Variants in TENT5D observed in about 807,000 individuals in gnomAD.
The protein encoded by TENT5D is terminal nucleotidyltransferase 5D.
For missense variants in TENT5D, 191 were observed against 287.0 expected, an observed-to-expected ratio of 0.67 and a Z score of 2.42; for synonymous variants, 103 against 100.6, an observed-to-expected ratio of 1.02 and a Z score of -0.15.
intron 3 of TENT5D, among the ~76,000 whole-genome samples, chrX:80,378,297 A>C (rs775525845): frequency 5.4e-5 from 6 of 111,663 alleles, no homozygotes; most frequent in Non-Finnish European, 1.1e-4. Context: ...TGTTTTAGAC[A>C]TGAAGTCCTT....
At chrX:80,358,792 A>G (rs1602503116) in intron 3 of TENT5D, among the ~76,000 whole-genome samples, 1 of 112,010 alleles carries the variant, frequency 8.9e-6, no homozygotes, top group Non-Finnish European at 1.9e-5. Flanking sequence ...TAGAAATCAA[A>G]CTGACGTACA....
At chrX:80,405,753 C>G (rs1931475651) in intron 3 of TENT5D, among the ~76,000 whole-genome samples, 1 of 112,737 alleles carries the variant, frequency 8.9e-6, no homozygotes, top group African/African-American at 3.2e-5. Flanking sequence ...GAGCCCACCA[C>G]AGCTCAAGGA....
chrX:80,348,222 A>T (rs1196793355), intron 3 of TENT5D, among the ~76,000 whole-genome samples: 1 of 111,990 alleles, frequency 8.9e-6, no homozygotes, highest in Non-Finnish European at 1.9e-5. Context: ...TCGTAGCTTG[A>T]TGGGGATACC....
chrX:80,350,224 TC>T (rs1930149314), intron 3 of TENT5D, among the ~76,000 whole-genome samples: 1 of 111,432 alleles, frequency 9.0e-6, no homozygotes, highest in African/African-American at 3.3e-5. Flanking sequence ...GTCTTGTTGA[TC>T]TGCCTAATAT....
At chrX:80,426,127 C>T (rs1931983976) in intron 1 of TENT5D, among the ~76,000 whole-genome samples, 1 of 110,934 alleles carries the variant, frequency 9.0e-6, no homozygotes, top group Non-Finnish European at 1.9e-5. Flanking sequence ...TTTAATAATT[C>T]TGTTTACCTG....
intron 3 of TENT5D, among the ~76,000 whole-genome samples, chrX:80,407,842 T>G (rs1278951375): frequency 3.8e-5 from 4 of 106,610 alleles, no homozygotes; most frequent in Non-Finnish European, 5.8e-5. Flanking sequence ...ATTGACCACA[T>G]AGTTGGAAGT....
intron 3 of TENT5D, among the ~76,000 whole-genome samples, chrX:80,345,128 T>C (rs1311679857): frequency 8.9e-6 from 1 of 111,888 alleles, no homozygotes; most frequent in Non-Finnish European, 1.9e-5. Context: ...CAAAGAATGG[T>C]CAGAAAAGTT....
intron 3 of TENT5D, among the ~76,000 whole-genome samples, chrX:80,357,609 G>GTT (rs1324605868): frequency 6.5e-4 from 72 of 111,370 alleles, no homozygotes; most frequent in African/African-American, 2.3e-3. Context: ...TGATGGGGTT[G>GTT]TGTTTTTTTC....
At chrX:80,336,509 CTT>C (rs1036572410) in intron 2 of TENT5D, among the ~76,000 whole-genome samples, 2 of 109,714 alleles carry the variant, frequency 1.8e-5, no homozygotes, top group Admixed American at 2.0e-4. Flanking sequence ...ACAGATAAAA[CTT>C]AGTAGATTTC....
At chrX:80,406,168 C>G (rs1229625662) in intron 3 of TENT5D, among the ~76,000 whole-genome samples, 1 of 111,817 alleles carries the variant, frequency 8.9e-6, no homozygotes, top group Admixed American at 9.5e-5. Context: ...AACAGAAAAA[C>G]TGGAAACTCT....
At chrX:80,440,006 A>G (rs986742380) in intron 2 of TENT5D, among the ~76,000 whole-genome samples, 1 of 111,252 alleles carries the variant, frequency 9.0e-6, no homozygotes, top group Non-Finnish European at 1.9e-5. Context: ...GGTTAAAAAA[A>G]ACCTAACTGG....
chrX:80,368,746 G>A (rs67793634), intron 3 of TENT5D, among the ~76,000 whole-genome samples: 10,720 of 111,162 alleles, frequency 0.096, 520 homozygotes, highest in African/African-American at 0.18. Context: ...ATTACTTAGA[G>A]CTGTTACTGA....
At chrX:80,438,697 C>T (rs1044092321) in exon 2 of TENT5D, 10 of 110,111 alleles carry the variant, frequency 9.1e-5, no homozygotes, top group African/African-American at 3.3e-4. Flanking sequence ...CATTTTAACT[C>T]AACTATATTG....
At chrX:80,363,850 T>A (rs1353264746) in intron 3 of TENT5D, among the ~76,000 whole-genome samples, 28 of 112,448 alleles carry the variant, frequency 2.5e-4, no homozygotes, top group African/African-American at 7.4e-4. Context: ...AGATATGCGG[T>A]GTGATGTTTT....
intron 3 of TENT5D, among the ~76,000 whole-genome samples, chrX:80,386,498 A>G (rs887681501): frequency 6.3e-5 from 7 of 111,384 alleles, no homozygotes; most frequent in African/African-American, 2.3e-4. Context: ...TGGCACATGT[A>G]TACATATGTA....
chrX:80,430,853 T>A (rs1476942870), intron 1 of TENT5D, among the ~76,000 whole-genome samples: 2 of 111,195 alleles, frequency 1.8e-5, no homozygotes, highest in Non-Finnish European at 3.8e-5. Flanking sequence ...TCCTTTCTCT[T>A]TTCTGAGTGA....
chrX:80,367,845 A>C (rs917474577), intron 3 of TENT5D, among the ~76,000 whole-genome samples: 1 of 111,789 alleles, frequency 8.9e-6, no homozygotes, highest in African/African-American at 3.2e-5. Context: ...GAGACAAGGA[A>C]GGGTAGTGGG....
At position 80,425,943 on chromosome X, in the gene TENT5D, C is replaced by T. The variant is rs1248444386; in HGVS notation, c.-142+5380C>T. The stretch of plus-strand genomic sequence containing the variant: ...TCGGGAGGCTGAGGCAGGAGAATCA[C>T]TTGAATCCGGGAGGCAGAGGTTGCA... On this transcript the variant is annotated intron_variant, in intron 1 of 2. Transcript: ENST00000308293. 4.5e-5 allele frequency among the ~76,000 whole-genome samples: 5 copies of T among 110,760 alleles called. No homozygotes were observed. The Admixed American group carries it at 4.9e-4, about 11-fold the overall frequency.
In TENT5D at chrX:80,363,286, G is replaced by A. The variant is rs747565633; in HGVS notation, c.-142+20722G>A. ...CAATTACTGCATTTCCTAATTTATA[G>A]CATTAACTTGGAACACATTGAATAT... On this transcript the variant is annotated intron_variant, in intron 3 of 4. Transcript: ENST00000538312. 2.7e-5 allele frequency among the ~76,000 whole-genome samples: 3 copies of A among 111,321 alleles called. No individual in the cohort carries two copies. The East Asian group carries it at 8.5e-4, about 31-fold the overall frequency.
Sources: gnomAD v4.1 joint callset for allele counts (sites outside exome capture counted in the v4.1 genomes callset) on GRCh38, gnomAD v4.1.1 for gene constraint, MANE v1.5 for transcripts, NCBI Gene and HGNC (gene_info 2026-07-23, HGNC 2026-07-21) for gene names.